The following GNG2 variants were observed in gnomAD, a reference collection of about 807,000 sequenced individuals.
GNG2 encodes guanine nucleotide-binding protein G(I)/G(S)/G(O) subunit gamma-2.
GNG2 carries 5 observed loss-of-function variants against 5.5 expected under a neutral mutation model. The observed-to-expected ratio is 0.91, with a 90% CI of 0.48 to 1.92. The LOEUF (loss-of-function observed/expected upper bound fraction) is 1.92. GNG2 is among the 30% of genes most tolerant of loss of function. The probability of loss-of-function intolerance (pLI) is 0.01; values close to 1 mark genes in which losing one functional copy is unlikely to be tolerated. For synonymous variants in GNG2, 28 were observed against 32.0 expected, an observed-to-expected ratio of 0.88 and a Z score of 0.42; for missense variants, 55 against 88.4, an observed-to-expected ratio of 0.62 and a Z score of 1.52.
chr14:51,856,756 T>G (rs1239436567), upstream of GNG2, among the ~76,000 whole-genome samples: 2 of 152,216 alleles, frequency 1.3e-5, no homozygotes, highest in East Asian at 3.8e-4. Context: ...TAATTACTTT[T>G]TTGTTGCCAG....
At chr14:51,927,450 T>C (rs1887396987) in intron 2 of GNG2, among the ~76,000 whole-genome samples, 1 of 152,234 alleles carries the variant, frequency 6.6e-6, no homozygotes, top group South Asian at 2.1e-4. Context: ...TATTTCACAT[T>C]AGTACTATAA....
intron 2 of GNG2, among the ~76,000 whole-genome samples, chr14:51,928,783 T>G (rs1346664900): frequency 6.6e-5 from 10 of 152,202 alleles, no homozygotes. Flanking sequence ...GTATTCTTTC[T>G]TTACCTTGGG....
chr14:51,842,470 C>T (rs777568081), intron 2 of GNG2, among the ~76,000 whole-genome samples: 4 of 152,098 alleles, frequency 2.6e-5, no homozygotes, highest in East Asian at 1.9e-4. Context: ...CGCAGGGCTC[C>T]GCACACGCAA....
chr14:51,903,367 A>G (rs1375777080), intron 2 of GNG2, among the ~76,000 whole-genome samples: 1 of 152,212 alleles, frequency 6.6e-6, no homozygotes, highest in Non-Finnish European at 1.5e-5. Flanking sequence ...ACCTAACCCC[A>G]TATTTTTGCT....
At chr14:51,827,929 C>CT in intron 2 of GNG2, 1 of 594,418 alleles carries the variant, frequency 1.7e-6, no homozygotes, top group Non-Finnish European at 3.0e-6. Flanking sequence ...AGTGGGAGGA[C>CT]TCAGGAGGGA....
chr14:51,889,109 CTTTT>C (rs1173479215), intron 2 of GNG2, among the ~76,000 whole-genome samples: 5 of 118,936 alleles, frequency 4.2e-5, no homozygotes, highest in East Asian at 2.4e-4. Context: ...TGGGTTTGCG[CTTTT>C]TTTTTTTTTT....
chr14:51,836,191 G>GA (rs2140073605), intron 2 of GNG2, among the ~76,000 whole-genome samples: 1 of 151,956 alleles, frequency 6.6e-6, no homozygotes, highest in East Asian at 1.9e-4. Context: ...TCCCATTCAG[G>GA]AAGCGTCCAC....
chr14:51,961,272 C>T (rs1889599080), intron 3 of GNG2, among the ~76,000 whole-genome samples: 1 of 152,196 alleles, frequency 6.6e-6, no homozygotes, highest in Admixed American at 6.5e-5. Context: ...GCTGTATAAA[C>T]TCTACAGGGA....
At chr14:51,905,723 G>A (rs1885872200) in intron 2 of GNG2, among the ~76,000 whole-genome samples, 1 of 152,200 alleles carries the variant, frequency 6.6e-6, no homozygotes, top group Non-Finnish European at 1.5e-5. Flanking sequence ...ATCCCCACGT[G>A]TTGTGGGAGG....
chr14:51,887,062 A>G (rs762273569), intron 2 of GNG2, among the ~76,000 whole-genome samples: 5 of 152,360 alleles, frequency 3.3e-5, no homozygotes, highest in Non-Finnish European at 5.9e-5. Context: ...GTTATAGCCC[A>G]TGTTCAAATG....
At chr14:51,908,643 C>T (rs1394670931) in intron 2 of GNG2, among the ~76,000 whole-genome samples, 2 of 143,068 alleles carry the variant, frequency 1.4e-5, no homozygotes, top group Admixed American at 7.3e-5. Flanking sequence ...GATCTCGGCT[C>T]ACTGCAGCCT....
At position 51,827,910 on chromosome 14, in the gene GNG2, G is replaced by A. The variant is rs1361443584; in HGVS notation, c.64+103G>A. On this transcript the variant is annotated intron_variant, in intron 2 of 3. Coordinates refer to the GNG2 transcript ENST00000553432. ...GGAAAGAGTAAAGAGCTTGGAGAGA[G>A]AGTCTGAGAGTGGGAGGACTCAGGA... The A allele has an allele frequency of 4.7e-5, 28 of 602,024 alleles. No individual in the cohort carries two copies. In the East Asian group the frequency reaches 8.0e-4, roughly 17 times the overall value. The allele number at this position is 602,024 out of a possible 1,614,324, so 37.3% of individuals were successfully genotyped here.
intron 2 of GNG2, among the ~76,000 whole-genome samples, chr14:51,926,526 A>T (rs868158681): frequency 2.0e-5 from 3 of 152,224 alleles, no homozygotes; most frequent in South Asian, 2.1e-4. Flanking sequence ...TGAGAAACCC[A>T]AAATGACCAC....
chr14:51,908,552 A>G (rs1566679359), intron 2 of GNG2, among the ~76,000 whole-genome samples: 1 of 151,320 alleles, frequency 6.6e-6, no homozygotes, highest in South Asian at 2.1e-4. Flanking sequence ...CTATCTATCT[A>G]TCTATCTATC....
chr14:51,892,095 G>A (rs190371384), intron 2 of GNG2, among the ~76,000 whole-genome samples: 29 of 139,394 alleles, frequency 2.1e-4, no homozygotes, highest in Non-Finnish European at 3.4e-5. Flanking sequence ...CAGTCATTCA[G>A]TTCTCTGAAT....
intron 3 of GNG2, chr14:51,952,016 G>A: frequency 1.6e-6 from 1 of 644,260 alleles, no homozygotes; most frequent in Admixed American, 2.7e-5. Flanking sequence ...ATCTCCTGGG[G>A]TATGATTCAG....
chr14:51,884,410 T>C (rs1884303588), intron 2 of GNG2, among the ~76,000 whole-genome samples: 1 of 152,244 alleles, frequency 6.6e-6, no homozygotes, highest in African/African-American at 2.4e-5. Flanking sequence ...TTATCTCCCT[T>C]TATCCTTTAG....
At chr14:51,929,164 A>G (rs1188049554) in intron 2 of GNG2, among the ~76,000 whole-genome samples, 1 of 152,178 alleles carries the variant, frequency 6.6e-6, no homozygotes, top group Non-Finnish European at 1.5e-5. Context: ...TGTAAAATGA[A>G]TCAGACTCAT....
At chr14:51,847,894 T>C (rs1881705825) in intron 2 of GNG2, among the ~76,000 whole-genome samples, 1 of 147,402 alleles carries the variant, frequency 6.8e-6, no homozygotes, top group African/African-American at 2.5e-5. Flanking sequence ...TTTTTTTTTT[T>C]TTTTTTTTTT....
Sources: allele counts gnomAD v4.1 joint callset (sites outside exome capture counted in the v4.1 genomes callset), GRCh38; gene constraint gnomAD v4.1.1; transcripts MANE v1.5; gene names NCBI Gene and HGNC (gene_info 2026-07-23, HGNC 2026-07-21).